KCNQ3: variants seen among roughly 807,000 people sequenced by gnomAD.
The protein encoded by KCNQ3 is potassium voltage-gated channel subfamily Q member 3, also known as potassium voltage-gated channel subfamily KQT member 3.
Under a neutral mutation model 92.5 loss-of-function variants are expected in KCNQ3, and 30 were observed. The observed-to-expected ratio is 0.32, with a 90% CI of 0.24 to 0.44. The LOEUF is 0.44. Ranked by LOEUF, KCNQ3 falls within the 20% of genes least tolerant of loss-of-function variation. The pLI, the probability that KCNQ3 is intolerant of heterozygous loss-of-function variation, is 1.00. For missense variants in KCNQ3, 913 were observed against 1,140.3 expected (o/e 0.80, Z 2.87); for synonymous variants, 450 against 468.8 (o/e 0.96, Z 0.52).
chr8:132,332,298 T>C (rs1174347915), intron 1 of KCNQ3, among the ~76,000 whole-genome samples: 1 of 152,086 alleles, frequency 6.6e-6, no homozygotes, highest in Non-Finnish European at 1.5e-5. Flanking sequence ...GCCCCAGCAA[T>C]AGCTCCGGAG....
rs540001124 is a variant in KCNQ3, at chr8:132,212,327, G to A, written c.387-26146C>T. On this transcript the variant is annotated intron_variant, in intron 1 of 14. Transcript: ENST00000388996. ...CTACAAATCCTTCCCTTAAAGGAGC[G>A]GGCACCTGTCTTTCCATAAATTCCC... is the stretch of plus-strand genomic sequence containing the variant. Among the ~76,000 whole-genome samples, 72 of 152,076 alleles carry A rather than the reference G, an allele frequency of 4.7e-4. 1 individual carries two copies. In the South Asian group the frequency reaches 9.6e-3, roughly 20 times the overall value.
chr8:132,140,488 A>C, intron 10 of KCNQ3: 1 of 370,940 alleles, frequency 2.7e-6, no homozygotes, highest in Non-Finnish European at 5.0e-6. Context: ...AGAAGCCAGC[A>C]AAGGACACAG....
intron 1 of KCNQ3, among the ~76,000 whole-genome samples, chr8:132,288,055 T>A (rs376606163): frequency 2.0e-5 from 3 of 152,250 alleles, no homozygotes; most frequent in African/African-American, 7.2e-5. Flanking sequence ...TCTTCTTGTA[T>A]GCATAAGTTA....
At chr8:132,278,288 G>C in intron 1 of KCNQ3, 1 of 740,092 alleles carries the variant, frequency 1.4e-6, no homozygotes, top group South Asian at 6.1e-5. Context: ...TTTAGACTGT[G>C]CTTCCTATGG....
intron 8 of KCNQ3, among the ~76,000 whole-genome samples, chr8:132,166,236 G>A (rs951133760): frequency 2.6e-5 from 4 of 152,100 alleles, no homozygotes; most frequent in African/African-American, 9.7e-5. Context: ...ATTCTCACTA[G>A]CCACATGAGG....
At chr8:132,261,284 G>A (rs1815776937) in intron 1 of KCNQ3, among the ~76,000 whole-genome samples, 1 of 152,118 alleles carries the variant, frequency 6.6e-6, no homozygotes, top group Non-Finnish European at 1.5e-5. Context: ...TCATTGTCAT[G>A]CTTCCTGGTG....
intron 1 of KCNQ3, among the ~76,000 whole-genome samples, chr8:132,419,033 T>C (rs772146333): frequency 1.3e-5 from 2 of 152,138 alleles, no homozygotes; most frequent in Non-Finnish European, 2.9e-5. Context: ...AAGATGTAAG[T>C]GATCTCCAGC....
chr8:132,441,046 G>A (rs1262189926), intron 1 of KCNQ3, among the ~76,000 whole-genome samples: 1 of 152,142 alleles, frequency 6.6e-6, no homozygotes, highest in African/African-American at 2.4e-5. Context: ...CTATTTTACA[G>A]ACCAGACAAC....
intron 1 of KCNQ3, among the ~76,000 whole-genome samples, chr8:132,204,202 A>G (rs1813577949): frequency 6.6e-6 from 1 of 152,240 alleles, no homozygotes; most frequent in African/African-American, 2.4e-5. Flanking sequence ...CCTTTTAAAC[A>G]GGAGGTGACT....
intron 1 of KCNQ3, among the ~76,000 whole-genome samples, chr8:132,229,604 A>G (rs1034662863): frequency 5.3e-5 from 8 of 151,990 alleles, no homozygotes; most frequent in Non-Finnish European, 8.8e-5. Flanking sequence ...CAACAAACAC[A>G]GGTTGGAACT....
intron 1 of KCNQ3, among the ~76,000 whole-genome samples, chr8:132,361,586 C>T (rs1385477565): frequency 6.6e-6 from 1 of 151,778 alleles, no homozygotes; most frequent in Non-Finnish European, 1.5e-5. Context: ...CTAAACAGAA[C>T]ACTCAAAAAG....
chr8:132,364,457 C>T (rs1282825569), intron 1 of KCNQ3, among the ~76,000 whole-genome samples: 3 of 152,106 alleles, frequency 2.0e-5, no homozygotes, highest in African/African-American at 2.4e-5. Flanking sequence ...CATCATGCCA[C>T]GGGAGGTCAC....
At chr8:132,389,916 C>A (rs565815584) in intron 1 of KCNQ3, among the ~76,000 whole-genome samples, 1 of 152,138 alleles carries the variant, frequency 6.6e-6, no homozygotes, top group Non-Finnish European at 1.5e-5. Context: ...CAGTTGTGTA[C>A]CTAGGTACAA....
chr8:132,184,510 G>T, intron 2 of KCNQ3, 143 bp from the exon 3 acceptor site: 2 of 759,152 alleles, frequency 2.6e-6, no homozygotes, highest in Non-Finnish European at 2.2e-6. Flanking sequence ...GGGGATGGGG[G>T]TGGGGAAGGG....
chr8:132,417,200 C>T (rs190164975), intron 1 of KCNQ3, among the ~76,000 whole-genome samples: 5 of 152,292 alleles, frequency 3.3e-5, no homozygotes. Flanking sequence ...TTAGGGAAAT[C>T]AACAAGGGAG....
chr8:132,345,051 C>G (rs1818643693), intron 1 of KCNQ3, among the ~76,000 whole-genome samples: 1 of 152,130 alleles, frequency 6.6e-6, no homozygotes, highest in African/African-American at 2.4e-5. Context: ...TTTGCTGATC[C>G]AGGGGCATAG....
At chr8:132,343,274 A>G (rs1818588863) in intron 1 of KCNQ3, among the ~76,000 whole-genome samples, 1 of 152,154 alleles carries the variant, frequency 6.6e-6, no homozygotes, top group South Asian at 2.1e-4. Context: ...TGTGTTCCAG[A>G]CCCTGTGCCA....
chr8:132,219,972 T>C (rs1164168134), intron 1 of KCNQ3, among the ~76,000 whole-genome samples: 4 of 152,170 alleles, frequency 2.6e-5, no homozygotes, highest in Non-Finnish European at 5.9e-5. Context: ...AACTGTGGCG[T>C]GAGCATGAAT....
chr8:132,279,176 C>T (rs549509843), intron 1 of KCNQ3, among the ~76,000 whole-genome samples: 20 of 152,154 alleles, frequency 1.3e-4, no homozygotes, highest in Admixed American at 2.6e-4. Flanking sequence ...CGAGATTGTG[C>T]CACTGCACTC....
Sources: allele counts gnomAD v4.1 joint callset (sites outside exome capture counted in the v4.1 genomes callset), GRCh38; gene constraint gnomAD v4.1.1; transcripts MANE v1.5; gene names NCBI Gene and HGNC (gene_info 2026-07-23, HGNC 2026-07-21).